Variants in PCBP3 observed in about 807,000 individuals in gnomAD.
PCBP3 encodes poly(rC)-binding protein 3.
A neutral mutation model predicts 52.7 loss-of-function variants in PCBP3; 25 were observed. That is an observed-to-expected ratio of 0.47 (90% confidence interval 0.35 to 0.66). PCBP3 has a LOEUF of 0.66. Ranked by LOEUF, PCBP3 falls within the 30% of genes least tolerant of loss-of-function variation. The probability of loss-of-function intolerance (pLI) is 0.01; values close to 1 mark genes in which losing one functional copy is unlikely to be tolerated. For synonymous variants in PCBP3, 162 were observed against 183.0 expected, an observed-to-expected ratio of 0.89 and a Z score of 0.93; for missense variants, 391 against 490.3, an observed-to-expected ratio of 0.80 and a Z score of 1.91.
Position 45,865,393 on chromosome 21 carries a change from G to A in PCBP3, c.10+15298G>A, listed in dbSNP as rs577288280. On this transcript the variant is annotated intron_variant, in intron 5 of 17. Transcript: ENST00000681687. Reference sequence around the variant, plus strand: ...CCAGGAACAAAGCATGCCCTGCGCGGCCGGTGCTACTGGATGGATATTCCT... The same window carrying A: ...CCAGGAACAAAGCATGCCCTGCGCGACCGGTGCTACTGGATGGATATTCCT... 2.6e-5 allele frequency among the ~76,000 whole-genome samples: 4 copies of A among 152,350 alleles called. No individual in the cohort carries two copies. The South Asian group carries it at 6.2e-4, about 24-fold the overall frequency.
chr21:45,815,318 G>A (rs1463544891), intron 4 of PCBP3, among the ~76,000 whole-genome samples: 2 of 54,714 alleles, frequency 3.7e-5, no homozygotes, highest in Admixed American at 1.4e-4. Flanking sequence ...AGTGGTGAGT[G>A]GTGAGTGAGT....
chr21:45,842,205 T>C (rs2093713423), intron 4 of PCBP3, among the ~76,000 whole-genome samples: 1 of 152,204 alleles, frequency 6.6e-6, no homozygotes, highest in South Asian at 2.1e-4. Context: ...TAATAGTTCT[T>C]TTTTGTTGTG....
intron 2 of PCBP3, among the ~76,000 whole-genome samples, chr21:45,713,938 A>G (rs1024568557): frequency 6.6e-6 from 1 of 152,212 alleles, no homozygotes; most frequent in East Asian, 1.9e-4. Context: ...GGGGTGGGGT[A>G]TGTGCAGAGC....
chr21:45,763,232 T>C (rs2088897154), intron 4 of PCBP3: 1 of 152,256 alleles, frequency 6.6e-6, no homozygotes, highest in Non-Finnish European at 1.5e-5. Flanking sequence ...GTTTTGCAGT[T>C]CCCACCATTG....
chr21:45,899,102 A>C (rs2095949682), intron 6 of PCBP3, among the ~76,000 whole-genome samples: 1 of 152,260 alleles, frequency 6.6e-6, no homozygotes, highest in Non-Finnish European at 1.5e-5. Flanking sequence ...GTGTGTCCCG[A>C]AACTGCCTTG....
intron 12 of PCBP3, chr21:45,914,341 C>G: frequency 1.9e-6 from 1 of 514,682 alleles, no homozygotes; most frequent in East Asian, 3.4e-5. Flanking sequence ...GGCGCGCAGG[C>G]GCTTTCTAGG....
In PCBP3 at chr21:45,911,042, G is replaced by A. The variant is rs370675327; in HGVS notation, c.600+12G>A. The stretch of plus-strand genomic sequence containing the variant: ...TGGTCATGCTGGAGGTACCGTCTGC[G>A]CGCCAGGGCCAGCCCACGTCAGTGC... On this transcript the variant is annotated intron_variant, in intron 11 of 17. Coordinates refer to ENST00000681687, the MANE Select transcript of PCBP3 (RefSeq NM_001384156.1). 3.8e-5 allele frequency: 61 copies of A among 1,607,374 alleles called. No homozygotes were observed. The highest frequency in any genetic ancestry group is 1.6e-4 in the Middle Eastern group (1 of 6,082).
At chr21:45,645,679 A>G (rs1407451873) in intron 1 of PCBP3, among the ~76,000 whole-genome samples, 1 of 152,246 alleles carries the variant, frequency 6.6e-6, no homozygotes, top group Non-Finnish European at 1.5e-5. Flanking sequence ...AAAAAGCCTC[A>G]CGAGCTTCTT....
chr21:45,721,734 C>T (rs1043243726), intron 2 of PCBP3, among the ~76,000 whole-genome samples: 4 of 152,102 alleles, frequency 2.6e-5, no homozygotes, highest in African/African-American at 7.2e-5. Flanking sequence ...ACTTTCCTGT[C>T]GAATTTCACA....
At chr21:45,674,603 A>G (rs1405672986) in intron 2 of PCBP3, among the ~76,000 whole-genome samples, 1 of 152,224 alleles carries the variant, frequency 6.6e-6, no homozygotes, top group Non-Finnish European at 1.5e-5. Context: ...GAAGTAGGTT[A>G]TGTTGCTTAC....
At chr21:45,857,754 T>A (rs1305912014) in intron 5 of PCBP3, among the ~76,000 whole-genome samples, 1 of 152,208 alleles carries the variant, frequency 6.6e-6, no homozygotes, top group East Asian at 1.9e-4. Context: ...CTTCAAATAT[T>A]ATTTTGTAGA....
intron 10 of PCBP3, among the ~76,000 whole-genome samples, chr21:45,910,213 C>CCCG (rs1556312278): frequency 5.0e-5 from 4 of 79,520 alleles, no homozygotes; most frequent in African/African-American, 2.0e-4. Context: ...ATACGGACCC[C>CCCG]CCACCCACTG....
chr21:45,803,664 C>CA (rs1438844310), intron 4 of PCBP3, among the ~76,000 whole-genome samples: 1 of 152,200 alleles, frequency 6.6e-6, no homozygotes, highest in Non-Finnish European at 1.5e-5. Context: ...CTCTGATGCC[C>CA]ACCCCAGGGT....
chr21:45,920,464 A>G lies in PCBP3; in HGVS notation c.717+2835A>G, dbSNP rs536049079. Among the ~76,000 whole-genome samples, 3 of 152,346 alleles carry G rather than the reference A, an allele frequency of 2.0e-5. No homozygotes were observed. The South Asian group carries it at 6.2e-4, about 32-fold the overall frequency. ...AGATTGTTTCAAATTAGTTTAATGT[A>G]TAACTAACTGTTAAGAGAACTGCCT... On this transcript the variant is annotated intron_variant, in intron 13 of 17. Transcript: ENST00000681687.
chr21:45,701,906 A>G (rs2083154293), intron 2 of PCBP3, among the ~76,000 whole-genome samples: 1 of 152,200 alleles, frequency 6.6e-6, no homozygotes, highest in African/African-American at 2.4e-5. Flanking sequence ...TAAAACAAAA[A>G]TAAATTAGTG....
At chr21:45,908,322 C>T (rs1603484763) in intron 9 of PCBP3, among the ~76,000 whole-genome samples, 1 of 152,160 alleles carries the variant, frequency 6.6e-6, no homozygotes, top group African/African-American at 2.4e-5. Flanking sequence ...CCTAACCCGA[C>T]ACCTTGACAC....
chr21:45,862,327 A>G (rs969698581), intron 5 of PCBP3, among the ~76,000 whole-genome samples: 8 of 152,192 alleles, frequency 5.3e-5, no homozygotes, highest in African/African-American at 1.9e-4. Context: ...ACAAAATGCA[A>G]TACCGTGGGG....
At chr21:45,669,016 A>T (rs1005009236) in intron 2 of PCBP3, 64 bp downstream of exon 2, 8 of 152,192 alleles carry the variant, frequency 5.3e-5, no homozygotes, top group Admixed American at 5.2e-4. Flanking sequence ...ACTAAGTTCC[A>T]TGCATCCCTG....
intron 5 of PCBP3, among the ~76,000 whole-genome samples, chr21:45,889,997 G>T (rs2095613250): frequency 6.6e-6 from 1 of 152,268 alleles, no homozygotes; most frequent in African/African-American, 2.4e-5. Flanking sequence ...TCCTCCAGTA[G>T]CCCTCAGTAA....
Sources: allele counts gnomAD v4.1 joint callset (sites outside exome capture counted in the v4.1 genomes callset), GRCh38; gene constraint gnomAD v4.1.1; transcripts MANE v1.5; gene names NCBI Gene and HGNC (gene_info 2026-07-23, HGNC 2026-07-21).